The following SAMD8 variants were observed in gnomAD, a reference collection of about 807,000 sequenced individuals.
SAMD8 encodes sphingomyelin synthase-related protein 1.
SAMD8 carries 20 observed loss-of-function variants against 42.0 expected under a neutral mutation model. The observed-to-expected ratio is 0.48, with a 90% CI of 0.34 to 0.69. The LOEUF is 0.69. Among genes scored for constraint, SAMD8 ranks in the 30% least tolerant of loss-of-function variants. The pLI is 0.01. For synonymous variants in SAMD8, 162 were observed against 173.0 expected, an observed-to-expected ratio of 0.94 and a Z score of 0.50; for missense variants, 328 against 511.6, an observed-to-expected ratio of 0.64 and a Z score of 3.46.
At chr10:75,136,328 G>T (rs997985284) in intron 1 of SAMD8, among the ~76,000 whole-genome samples, 1 of 152,144 alleles carries the variant, frequency 6.6e-6, no homozygotes, top group Non-Finnish European at 1.5e-5. Flanking sequence ...AATAAAACAT[G>T]TCATTCATTC....
chr10:75,146,347 C>T (rs772765876), intron 1 of SAMD8, among the ~76,000 whole-genome samples: 3 of 137,740 alleles, frequency 2.2e-5, no homozygotes, highest in Non-Finnish European at 3.0e-5. Flanking sequence ...TGCAATGGCA[C>T]GATCTCAACT....
intron 1 of SAMD8, 120 bp from the exon 2 acceptor site, chr10:75,150,394 A>T: frequency 3.5e-6 from 5 of 1,443,620 alleles, no homozygotes; most frequent in Non-Finnish European, 4.5e-6. Flanking sequence ...AGTGCTGGGG[A>T]TTGTAGGCAT....
intron 1 of SAMD8, 46 bp from the exon 2 acceptor site, chr10:75,150,468 G>A: frequency 6.5e-7 from 1 of 1,547,464 alleles, no homozygotes; most frequent in Non-Finnish European, 8.7e-7. Flanking sequence ...GAAATTGTTA[G>A]GACATACTGA....
intron 2 of SAMD8, among the ~76,000 whole-genome samples, chr10:75,160,185 A>G (rs1360064842): frequency 6.6e-6 from 1 of 152,112 alleles, no homozygotes; most frequent in Non-Finnish European, 1.5e-5. Flanking sequence ...ATGACTCTAA[A>G]TTACTAAAGA....
At position 75,146,272 on chromosome 10, in the gene SAMD8, CTTTTTTTTTTTTTT is replaced by C. The variant is rs202162176; in HGVS notation, c.-15-4227_-15-4214del. Among the ~76,000 whole-genome samples, 28 of 68,142 alleles carry C rather than the reference CTTTTTTTTTTTTTT, an allele frequency of 4.1e-4. 1 individual carries two copies. The highest frequency in any genetic ancestry group is 6.9e-4 in the East Asian group (1 of 1,454). The allele number at this position is 68,142 out of a possible 152,430, so 44.7% of individuals were successfully genotyped here. A position where few individuals can be genotyped will look rare whatever the true frequency, so the allele number is the denominator to read the frequency against. On this transcript the variant is annotated intron_variant, in intron 1 of 5. Coordinates refer to ENST00000542569, the MANE Select transcript of SAMD8 (RefSeq NM_001174156.2). ...TTTCCTGATGTCCAGTGTCTTGACA[CTTTTTTTTTTTTTT>C]TTTTTTTTTTTTTTGGAGACAGAGT...
At chr10:75,108,602 G>A (rs907964149), upstream of SAMD8, among the ~76,000 whole-genome samples, 5 of 152,104 alleles carry the variant, frequency 3.3e-5, no homozygotes, top group Admixed American at 1.3e-4. Flanking sequence ...ATGTTTAGAG[G>A]CAACACCTTC....
At chr10:75,148,295 C>A (rs1840190979) in intron 1 of SAMD8, among the ~76,000 whole-genome samples, 1 of 147,386 alleles carries the variant, frequency 6.8e-6, no homozygotes, top group African/African-American at 2.5e-5. Context: ...TACTGTAAGT[C>A]TTCGTGGCAG....
upstream of SAMD8, chr10:75,108,254 A>G: frequency 6.5e-7 from 1 of 1,549,788 alleles, no homozygotes; most frequent in Non-Finnish European, 8.7e-7. Context: ...AAGCCATGGG[A>G]CCAGGAGGGA....
At chr10:75,137,395 C>T (rs914436942) in intron 1 of SAMD8, among the ~76,000 whole-genome samples, 1 of 152,016 alleles carries the variant, frequency 6.6e-6, no homozygotes, top group Non-Finnish European at 1.5e-5. Context: ...CAAAAATTAG[C>T]TGGGTGTGGT....
In SAMD8 at chr10:75,164,025, C is replaced by A. The variant is rs1375457949; in HGVS notation, c.579-620C>A. Among the ~76,000 whole-genome samples, 3 of 152,092 alleles carry A rather than the reference C, an allele frequency of 2.0e-5. No individual in the cohort carries two copies. In the East Asian group the frequency reaches 5.8e-4, roughly 29 times the overall value. On this transcript the variant is annotated intron_variant, in intron 2 of 5. Coordinates refer to ENST00000542569, the MANE Select transcript of SAMD8 (RefSeq NM_001174156.2). ...CTTGAGCTCAGGAGTTTGAGACCAG[C>A]CTGGGCAACAAAGTGAGACCCCATA...
rs1045297754 is a variant in SAMD8, at chr10:75,178,701, C to T, written c.*2009C>T. The T allele has an allele frequency of 6.6e-6, 1 of 152,186 alleles. No homozygotes were observed. The highest frequency in any genetic ancestry group is 2.4e-5 in the African/African-American group (1 of 41,424). 9.4% of individuals were successfully genotyped at this position (152,186 alleles called of 1,614,324 possible). On this transcript the variant is annotated 3_prime_UTR_variant, in exon 6 of 6. Transcript: ENST00000542569. ...TTATAACGCCTATGAATAACCACTG[C>T]ATTCCAGCCCGGGCAAGGTAGCAAG...
At chr10:75,170,981 G>A (rs1052382912) in intron 4 of SAMD8, among the ~76,000 whole-genome samples, 2 of 150,996 alleles carry the variant, frequency 1.3e-5, no homozygotes, top group East Asian at 1.9e-4. Context: ...GGCTGGTCTC[G>A]AACTCCTGAC....
chr10:75,150,559 C>G lies in SAMD8; in HGVS notation c.31C>G (p.Arg11Gly). 1 of 1,613,862 alleles carries G rather than the reference C, an allele frequency of 6.2e-7. No homozygotes were observed. Among genetic ancestry groups the G allele is most frequent in the Non-Finnish European group, 8.5e-7 (1 of 1,179,884 alleles). MAGPNQLCIR[R>G]WTTKHVAVWL... Reference sequence around the variant, plus strand: ...AGGTCCTAATCAACTCTGCATTCGCCGCTGGACTACCAAGCATGTAGCTGT... The same window carrying G: ...AGGTCCTAATCAACTCTGCATTCGCGGCTGGACTACCAAGCATGTAGCTGT... The change falls in exon 2 of 6, where the codon CGC becomes GGC. Residue 11 changes from arginine (R) to glycine (G), a missense_variant. Arg to Gly is a moderately radical substitution (Grantham distance 125). Coordinates refer to ENST00000542569, the MANE Select transcript of SAMD8 (RefSeq NM_001174156.2).
chr10:75,138,037 C>G (rs1839931057), intron 1 of SAMD8, among the ~76,000 whole-genome samples: 1 of 152,044 alleles, frequency 6.6e-6, no homozygotes, highest in African/African-American at 2.4e-5. Flanking sequence ...TTTCCATAAT[C>G]CTTGTGGATA....
chr10:75,149,718 T>C (rs1409049500), intron 1 of SAMD8, among the ~76,000 whole-genome samples: 1 of 152,190 alleles, frequency 6.6e-6, no homozygotes, highest in Non-Finnish European at 1.5e-5. Flanking sequence ...CGGATTTTTT[T>C]CTCTTTTCTT....
chr10:75,156,681 A>T (rs1046747415), intron 2 of SAMD8, among the ~76,000 whole-genome samples: 3 of 152,138 alleles, frequency 2.0e-5, no homozygotes, highest in Admixed American at 2.0e-4. Context: ...ACGAAGAAAC[A>T]ATCAGACAAA....
At chr10:75,117,040 G>A (rs190136283) in intron 1 of SAMD8, among the ~76,000 whole-genome samples, 1 of 151,716 alleles carries the variant, frequency 6.6e-6, no homozygotes, top group East Asian at 2.0e-4. Flanking sequence ...TGAACTCCTC[G>A]GCTCAAGGCA....
chr10:75,131,581 A>G (rs897508247), intron 1 of SAMD8, among the ~76,000 whole-genome samples: 1 of 152,184 alleles, frequency 6.6e-6, no homozygotes, highest in Non-Finnish European at 1.5e-5. Flanking sequence ...TGATTATTAA[A>G]AATAACTGAT....
In SAMD8 at chr10:75,118,027, T is replaced by C. The variant is rs997627144; in HGVS notation, c.-16+6305T>C. Among the ~76,000 whole-genome samples the C allele has an allele frequency of 3.3e-5, 5 of 152,326 alleles. No homozygotes were observed. In the South Asian group the frequency reaches 1.0e-3, roughly 32 times the overall value. On this transcript the variant is annotated intron_variant, in intron 1 of 5. Transcript: ENST00000542569. ...TAGTAGAAGTTAGTTTAAAGGCTATTTGGAACCAGAAAAAGATGTTATTTG... is the reference window on the plus strand; with the variant it reads ...TAGTAGAAGTTAGTTTAAAGGCTATCTGGAACCAGAAAAAGATGTTATTTG...
Sources: gnomAD v4.1 joint callset for allele counts (sites outside exome capture counted in the v4.1 genomes callset) on GRCh38, gnomAD v4.1.1 for gene constraint, MANE v1.5 for transcripts, NCBI Gene and HGNC (gene_info 2026-07-23, HGNC 2026-07-21) for gene names.